PPP1R14C: variants seen among roughly 807,000 people sequenced by gnomAD.
The protein encoded by PPP1R14C is protein phosphatase 1 regulatory subunit 14C.
PPP1R14C carries 16 observed loss-of-function variants against 20.4 expected under a neutral mutation model. The observed-to-expected ratio is 0.78, with a 90% confidence interval of 0.53 to 1.19. The LOEUF (loss-of-function observed/expected upper bound fraction) is 1.19. Ranked by LOEUF, PPP1R14C falls within the 50% of genes most tolerant of loss-of-function variation. PPP1R14C has a pLI of 0.00. For synonymous variants in PPP1R14C, 91 were observed against 91.0 expected (o/e 1.00, Z 0.00); for missense variants, 211 against 220.1 (o/e 0.96, Z 0.26).
chr6:150,236,770 G>T (rs1481761273), intron 3 of PPP1R14C, among the ~76,000 whole-genome samples: 2 of 152,178 alleles, frequency 1.3e-5, no homozygotes, highest in African/African-American at 4.8e-5. Flanking sequence ...GAGACGGGAG[G>T]TCGCACAGTC....
At chr6:150,198,703 C>G (rs926775682) in intron 1 of PPP1R14C, among the ~76,000 whole-genome samples, 1 of 152,196 alleles carries the variant, frequency 6.6e-6, no homozygotes, top group Non-Finnish European at 1.5e-5. Context: ...GGAATGGTGC[C>G]GCTGACATAG....
chr6:150,207,491 C>T (rs1197157438), intron 1 of PPP1R14C, among the ~76,000 whole-genome samples: 1 of 152,246 alleles, frequency 6.6e-6, no homozygotes, highest in East Asian at 1.9e-4. Context: ...TTTCGTTCTT[C>T]ACTCCGGCAT....
intron 3 of PPP1R14C, among the ~76,000 whole-genome samples, chr6:150,229,888 A>G (rs578063354): frequency 3.3e-4 from 51 of 152,246 alleles, no homozygotes; most frequent in Admixed American, 5.9e-4. Context: ...CCCAAAAAGA[A>G]GGGGGAAATT....
chr6:150,181,221 GGCTGGAGT>G (rs1482136687), intron 1 of PPP1R14C, among the ~76,000 whole-genome samples: 2 of 152,128 alleles, frequency 1.3e-5, no homozygotes, highest in African/African-American at 4.8e-5. Context: ...TATGTCACCA[GGCTGGAGT>G]GCAGTGGCGC....
intron 1 of PPP1R14C, among the ~76,000 whole-genome samples, chr6:150,207,008 G>A (rs1316723382): frequency 6.6e-6 from 1 of 151,988 alleles, no homozygotes; most frequent in African/African-American, 2.4e-5. Context: ...GGGATTACAG[G>A]CACATGCCAC....
At chr6:150,226,100 C>T (rs183787317) in intron 3 of PPP1R14C, among the ~76,000 whole-genome samples, 1 of 152,208 alleles carries the variant, frequency 6.6e-6, no homozygotes, top group Admixed American at 6.5e-5. Flanking sequence ...TCATTCCCCC[C>T]CCAAATCCAT....
At chr6:150,174,008 C>T (rs1777528343) in intron 1 of PPP1R14C, among the ~76,000 whole-genome samples, 1 of 144,308 alleles carries the variant, frequency 6.9e-6, no homozygotes, top group South Asian at 2.5e-4. Context: ...TATTTGGCAC[C>T]TCTCCCTCCC....
intron 1 of PPP1R14C, among the ~76,000 whole-genome samples, chr6:150,168,985 T>C (rs1189542798): frequency 6.6e-6 from 1 of 152,224 alleles, no homozygotes; most frequent in Non-Finnish European, 1.5e-5. Flanking sequence ...CAAGTCATTG[T>C]CCTGCCTCAG....
intron 1 of PPP1R14C, among the ~76,000 whole-genome samples, chr6:150,191,648 C>A (rs774601992): frequency 6.6e-6 from 1 of 152,226 alleles, no homozygotes; most frequent in Non-Finnish European, 1.5e-5. Context: ...ATATTCTGGT[C>A]TCATCTGCAA....
intron 1 of PPP1R14C, among the ~76,000 whole-genome samples, chr6:150,167,141 C>T (rs1355941868): frequency 1.3e-5 from 2 of 151,980 alleles, no homozygotes; most frequent in African/African-American, 4.8e-5. Flanking sequence ...CCGAGGCGGG[C>T]GGATCACTTG....
At chr6:150,204,262 C>A (rs181489174) in intron 1 of PPP1R14C, among the ~76,000 whole-genome samples, 1 of 152,204 alleles carries the variant, frequency 6.6e-6, no homozygotes, top group African/African-American at 2.4e-5. Flanking sequence ...ACCAACCTGC[C>A]GACTTTCTCG....
chr6:150,240,500 C>T (rs1015620728), intron 3 of PPP1R14C, among the ~76,000 whole-genome samples: 1 of 152,094 alleles, frequency 6.6e-6, no homozygotes, highest in Non-Finnish European at 1.5e-5. Flanking sequence ...TTGGTTAGAC[C>T]CTATGTAAAT....
intron 1 of PPP1R14C, among the ~76,000 whole-genome samples, chr6:150,159,344 C>T (rs758891630): frequency 5.9e-5 from 9 of 152,210 alleles, no homozygotes; most frequent in Admixed American, 2.0e-4. Context: ...CCTTTGATCG[C>T]ATTTTGTCAA....
At chr6:150,232,720 C>T (rs1376394424) in intron 3 of PPP1R14C, among the ~76,000 whole-genome samples, 1 of 152,176 alleles carries the variant, frequency 6.6e-6, no homozygotes, top group African/African-American at 2.4e-5. Flanking sequence ...GTCAAGTTTC[C>T]TTATAAGTAG....
At chr6:150,210,706 A>G (rs1438286029) in intron 1 of PPP1R14C, among the ~76,000 whole-genome samples, 1 of 152,170 alleles carries the variant, frequency 6.6e-6, no homozygotes, top group African/African-American at 2.4e-5. Flanking sequence ...AAAAAACTCT[A>G]TTTTCAGTTA....
chr6:150,160,217 C>A (rs1777349150), intron 1 of PPP1R14C, among the ~76,000 whole-genome samples: 1 of 150,452 alleles, frequency 6.6e-6, no homozygotes, highest in African/African-American at 2.5e-5. Context: ...CCTTTCCACA[C>A]TATATTCTTT....
At chr6:150,154,312 T>C (rs528250295) in intron 1 of PPP1R14C, among the ~76,000 whole-genome samples, 2 of 152,332 alleles carry the variant, frequency 1.3e-5, no homozygotes, top group South Asian at 4.1e-4. Flanking sequence ...GTGGGAACCT[T>C]GCTGGCACCT....
intron 3 of PPP1R14C, among the ~76,000 whole-genome samples, chr6:150,228,423 A>C (rs1027981388): frequency 6.6e-6 from 1 of 152,234 alleles, no homozygotes; most frequent in Non-Finnish European, 1.5e-5. Context: ...AGAGTCCAGG[A>C]AAGTGGCAAA....
rs1777878934 is a variant in PPP1R14C, at chr6:150,201,610, G to A, written c.307-13134G>A. 6.6e-6 allele frequency among the ~76,000 whole-genome samples: 1 copy of A among 152,206 alleles called. No homozygotes were observed. Among genetic ancestry groups the A allele is most frequent in the Non-Finnish European group, 1.5e-5 (1 of 68,038 alleles). Reference sequence around the variant, plus strand: ...AGACTGTTGGTCCTAAGACTGGTAGGAAGCCACCCGTGAGTTCTAAGCTGG... The same window carrying A: ...AGACTGTTGGTCCTAAGACTGGTAGAAAGCCACCCGTGAGTTCTAAGCTGG... On this transcript the variant is annotated intron_variant, in intron 1 of 3. Coordinates refer to ENST00000361131, the MANE Select transcript of PPP1R14C (RefSeq NM_030949.3). The surrounding 1 kb of genome is among the most constrained non-coding windows in gnomAD (Gnocchi z 4.2).
Sources: gnomAD v4.1 joint callset for allele counts (sites outside exome capture counted in the v4.1 genomes callset) on GRCh38, gnomAD v4.1.1 for gene constraint, Gnocchi (gnomAD v3.1) non-coding constraint, MANE v1.5 for transcripts, NCBI Gene and HGNC (gene_info 2026-07-23, HGNC 2026-07-21) for gene names.